Variants in PXT1 observed in about 807,000 individuals in gnomAD.
The protein encoded by PXT1 is peroxisomal testis-specific protein 1.
A neutral mutation model predicts 11.0 loss-of-function variants in PXT1; 11 were observed. The ratio of observed to expected loss-of-function variants is 1.00; its 90% CI spans 0.63 to 1.66. PXT1 has a LOEUF of 1.66. Among genes scored for constraint, PXT1 ranks in the 40% most tolerant of loss-of-function variants. PXT1 has a pLI of 0.00. For missense variants in PXT1, 141 were observed against 155.5 expected (o/e 0.91, Z 0.49); for synonymous variants, 43 against 51.4 (o/e 0.84, Z 0.70).
chr6:36,414,922 T>C (rs145063602), intron 3 of PXT1, among the ~76,000 whole-genome samples: 1 of 152,358 alleles, frequency 6.6e-6, no homozygotes, highest in African/African-American at 2.4e-5. Context: ...GTGCTTTAAA[T>C]TCAATCGCTT....
At chr6:36,419,837 C>T (rs1037987462) in intron 3 of PXT1, among the ~76,000 whole-genome samples, 10 of 152,182 alleles carry the variant, frequency 6.6e-5, no homozygotes, top group South Asian at 4.2e-4. Flanking sequence ...TAGAACCAGG[C>T]GAAATATTTG....
intron 3 of PXT1, among the ~76,000 whole-genome samples, chr6:36,412,489 G>A (rs763010096): frequency 8.0e-5 from 12 of 149,506 alleles, no homozygotes; most frequent in Non-Finnish European, 1.5e-4. Flanking sequence ...GTGAAACCCC[G>A]TCTCTACTAA....
intron 3 of PXT1, among the ~76,000 whole-genome samples, chr6:36,401,223 C>T (rs1163736609): frequency 6.6e-6 from 1 of 151,612 alleles, no homozygotes; most frequent in Non-Finnish European, 1.5e-5. Context: ...TTAAATTATA[C>T]CTAAGTCTTT....
rs1319475756 is a variant in PXT1, at chr6:36,425,943, T to A, written c.140A>T (p.Gln47Leu). The A allele has an allele frequency of 3.9e-6, 6 of 1,535,682 alleles. No homozygotes were observed. In the South Asian group the frequency reaches 7.2e-5, roughly 18 times the overall value. ...GTTCCTTGACATGGCTGGAACTGGC[T>A]GGGAGCTGACAAGTTGGGTCATGTA... ...KAYMTQLVSSQPVPAMSRNPD... is the reference protein window; with the variant it reads ...KAYMTQLVSSLPVPAMSRNPD... The change falls in exon 3 of 5, where the codon CAG (glutamine) becomes CTG (leucine). Residue 47 changes from glutamine to leucine, a missense_variant. Gln to Leu is a moderately radical substitution (Grantham distance 113). Transcript: ENST00000454782.
chr6:36,430,992 T>C (rs1045687577), intron 2 of PXT1, among the ~76,000 whole-genome samples: 3 of 152,026 alleles, frequency 2.0e-5, no homozygotes, highest in Admixed American at 6.6e-5. Context: ...TTTTTGTATT[T>C]CTTACTAGAG....
At chr6:36,415,019 T>G (rs1232852124) in intron 3 of PXT1, among the ~76,000 whole-genome samples, 1 of 152,230 alleles carries the variant, frequency 6.6e-6, no homozygotes, top group Admixed American at 6.5e-5. Context: ...TTTATCATAG[T>G]TAAATGTTTA....
intron 3 of PXT1, 63 bp from the exon 4 acceptor site, chr6:36,400,647 C>T: frequency 2.0e-6 from 3 of 1,502,932 alleles, no homozygotes; most frequent in Non-Finnish European, 2.7e-6. Context: ...AAATCACTTA[C>T]CACTAGTTAC....
chr6:36,411,925 GT>G (rs1335165499), intron 3 of PXT1, among the ~76,000 whole-genome samples: 2 of 152,116 alleles, frequency 1.3e-5, no homozygotes, highest in Non-Finnish European at 2.9e-5. Context: ...TCCAGCCTGG[GT>G]AATAGAGTAA....
intron 3 of PXT1, among the ~76,000 whole-genome samples, chr6:36,410,121 G>A (rs989919460): frequency 6.7e-6 from 1 of 149,216 alleles, no homozygotes; most frequent in Non-Finnish European, 1.5e-5. Context: ...TCGGGAGTTC[G>A]AGACCAGGAA....
chr6:36,437,093 C>T (rs1774775189), intron 2 of PXT1, among the ~76,000 whole-genome samples: 1 of 152,156 alleles, frequency 6.6e-6, no homozygotes, highest in Non-Finnish European at 1.5e-5. Context: ...CAAGACCAGC[C>T]TGGCCAACAC....
chr6:36,416,150 T>G (rs1774443583), intron 3 of PXT1, among the ~76,000 whole-genome samples: 1 of 149,082 alleles, frequency 6.7e-6, no homozygotes, highest in African/African-American at 2.5e-5. Context: ...GCCTGGGCAA[T>G]ATAGACCAAG....
intron 4 of PXT1, among the ~76,000 whole-genome samples, chr6:36,398,125 A>G (rs373839141): frequency 1.3e-5 from 2 of 152,364 alleles, no homozygotes; most frequent in East Asian, 1.9e-4. Context: ...GCATATGAAA[A>G]GATGCACATT....
intron 2 of PXT1, among the ~76,000 whole-genome samples, chr6:36,436,113 C>CAAAAAAAAAAAA (rs11294829): frequency 1.7e-5 from 1 of 60,088 alleles, no homozygotes. Context: ...AAAAGTAAGC[C>CAAAAAAAAAAAA]AAAAAAAAAA....
At chr6:36,408,111 G>A (rs1213717708) in intron 3 of PXT1, among the ~76,000 whole-genome samples, 3 of 151,270 alleles carry the variant, frequency 2.0e-5, no homozygotes, top group Non-Finnish European at 3.0e-5. Flanking sequence ...ACAGGAGCCT[G>A]CCACCACACC....
At position 36,390,792 on chromosome 6, in the gene PXT1, A is replaced by G. The variant is rs150118694; in HGVS notation, c.*978T>C. On this transcript the variant is annotated 3_prime_UTR_variant, in exon 5 of 5. Transcript: ENST00000454782. ...GCGTGCAGGAGAGAATGAGTGAAATACATTCCACAGGCAAAGGGCCCACCA... is the reference window on the plus strand; with the variant it reads ...GCGTGCAGGAGAGAATGAGTGAAATGCATTCCACAGGCAAAGGGCCCACCA... 6.6e-6 allele frequency: 1 copy of G among 152,380 alleles called. No homozygotes were observed. The highest frequency in any genetic ancestry group is 1.5e-5 in the Non-Finnish European group (1 of 68,060). 9.4% of individuals were successfully genotyped at this position (152,380 alleles called of 1,614,324 possible). A position where few individuals can be genotyped will look rare whatever the true frequency, so the allele number is the denominator to read the frequency against.
chr6:36,403,210 G>T (rs1237834405), intron 3 of PXT1, among the ~76,000 whole-genome samples: 1 of 152,196 alleles, frequency 6.6e-6, no homozygotes, highest in Admixed American at 6.5e-5. Flanking sequence ...CAAGTTTGAG[G>T]ATTGATGGTT....
chr6:36,438,339 A>C (rs1252787657), intron 2 of PXT1, among the ~76,000 whole-genome samples: 2 of 152,218 alleles, frequency 1.3e-5, no homozygotes, highest in Non-Finnish European at 2.9e-5. Context: ...TATTTTACTG[A>C]CTTTGTATTT....
chr6:36,426,993 A>AT (rs1380679221), intron 2 of PXT1, among the ~76,000 whole-genome samples: 1 of 150,746 alleles, frequency 6.6e-6, no homozygotes, highest in African/African-American at 2.4e-5. Context: ...GAGATGAAGA[A>AT]TTGCATTAGG....
intron 3 of PXT1, among the ~76,000 whole-genome samples, chr6:36,408,553 C>T (rs1440230247): frequency 6.6e-6 from 1 of 151,202 alleles, no homozygotes; most frequent in Non-Finnish European, 1.5e-5. Context: ...GCCACCATGC[C>T]TGGACTTGGT....
Sources: gnomAD v4.1 joint callset for allele counts (sites outside exome capture counted in the v4.1 genomes callset) on GRCh38, gnomAD v4.1.1 for gene constraint, MANE v1.5 for transcripts, NCBI Gene and HGNC (gene_info 2026-07-23, HGNC 2026-07-21) for gene names.